SLC25A48: variants seen among roughly 807,000 people sequenced by gnomAD.
The protein encoded by SLC25A48 is CTC-321K16.1.
A neutral mutation model predicts 32.2 loss-of-function variants in SLC25A48; 29 were observed. That is an observed-to-expected ratio of 0.90 (90% CI 0.67 to 1.23). The LOEUF (loss-of-function observed/expected upper bound fraction) is 1.23, where lower values mean the gene tolerates loss of function less well. Ranked by LOEUF, SLC25A48 falls within the 50% of genes most tolerant of loss-of-function variation. The pLI is 0.00. For synonymous variants in SLC25A48, 164 were observed against 172.3 expected (o/e 0.95, Z 0.38); for missense variants, 399 against 422.7 (o/e 0.94, Z 0.49).
chr5:135,605,673 C>T (rs1178294746), intron 1 of SLC25A48, among the ~76,000 whole-genome samples: 1 of 152,210 alleles, frequency 6.6e-6, no homozygotes, highest in East Asian at 1.9e-4. Flanking sequence ...AAACACATAT[C>T]TTTGGAAGTG....
intron 3 of SLC25A48, among the ~76,000 whole-genome samples, chr5:135,726,320 C>G (rs959360672): frequency 1.3e-5 from 2 of 152,184 alleles, no homozygotes; most frequent in African/African-American, 4.8e-5. Context: ...ACCCTTTACC[C>G]AGTTTCTTCC....
chr5:135,807,740 T>G (rs1692887577), intron 3 of SLC25A48, among the ~76,000 whole-genome samples: 1 of 147,962 alleles, frequency 6.8e-6, no homozygotes, highest in Admixed American at 6.7e-5. Context: ...ACACTAGAGA[T>G]TATAAATATC....
At chr5:135,608,980 A>G (rs1402130367) in intron 1 of SLC25A48, among the ~76,000 whole-genome samples, 1 of 152,128 alleles carries the variant, frequency 6.6e-6, no homozygotes. Flanking sequence ...TTGGGCTCCT[A>G]TTTGGAAACA....
At chr5:135,828,313 T>C (rs537919314) in intron 4 of SLC25A48, among the ~76,000 whole-genome samples, 1 of 152,312 alleles carries the variant, frequency 6.6e-6, no homozygotes, top group African/African-American at 2.4e-5. Flanking sequence ...GATGGAGAGA[T>C]TTGACTTGCT....
intron 1 of SLC25A48, among the ~76,000 whole-genome samples, chr5:135,621,707 G>T (rs994889103): frequency 2.0e-5 from 3 of 151,974 alleles, no homozygotes; most frequent in East Asian, 1.9e-4. Context: ...AAAAAAATTA[G>T]GTTCTTTCAC....
chr5:135,608,515 A>G (rs916616352), intron 1 of SLC25A48, among the ~76,000 whole-genome samples: 21 of 152,238 alleles, frequency 1.4e-4, no homozygotes, highest in African/African-American at 3.1e-4. Flanking sequence ...AGGTGGTCCC[A>G]GAAAGCTGGG....
intron 3 of SLC25A48, among the ~76,000 whole-genome samples, chr5:135,810,569 A>C (rs868082867): frequency 6.6e-6 from 1 of 152,214 alleles, no homozygotes; most frequent in African/African-American, 2.4e-5. Flanking sequence ...TATCTATTAC[A>C]TGCAGCCAAA....
At chr5:135,729,580 C>G (rs961225487) in intron 3 of SLC25A48, among the ~76,000 whole-genome samples, 13 of 152,142 alleles carry the variant, frequency 8.5e-5, no homozygotes, top group African/African-American at 3.1e-4. Context: ...AATTTTATTT[C>G]TTGGAAGGAG....
intron 3 of SLC25A48, among the ~76,000 whole-genome samples, chr5:135,737,812 C>G (rs1755410266): frequency 6.6e-6 from 1 of 152,160 alleles, no homozygotes. Flanking sequence ...AGTTTCTTGC[C>G]TTCCTCTTCA....
chr5:135,662,143 A>G (rs1021662160), intron 3 of SLC25A48, among the ~76,000 whole-genome samples: 1 of 152,170 alleles, frequency 6.6e-6, no homozygotes, highest in African/African-American at 2.4e-5. Context: ...CTAGGGAAAG[A>G]TAACATCTTG....
At chr5:135,663,154 G>A (rs1753444474) in intron 3 of SLC25A48, among the ~76,000 whole-genome samples, 1 of 152,140 alleles carries the variant, frequency 6.6e-6, no homozygotes, top group African/African-American at 2.4e-5. Context: ...TAAAATTCAG[G>A]TTCTTTGGAT....
chr5:135,676,222 T>A (rs569502294), intron 3 of SLC25A48, among the ~76,000 whole-genome samples: 29 of 152,036 alleles, frequency 1.9e-4, no homozygotes, highest in African/African-American at 6.7e-4. Flanking sequence ...GTATGTTGTA[T>A]GTGTCCAGAC....
chr5:135,806,030 CTGTCA>C (rs1757455775), intron 3 of SLC25A48, among the ~76,000 whole-genome samples: 1 of 151,622 alleles, frequency 6.6e-6, no homozygotes, highest in Admixed American at 6.6e-5. Flanking sequence ...TGTGTACACT[CTGTCA>C]TGTCATTTGT....
chr5:135,586,700 G>A (rs1362072981), intron 1 of SLC25A48, among the ~76,000 whole-genome samples: 1 of 152,210 alleles, frequency 6.6e-6, no homozygotes. Flanking sequence ...TATGGGATGG[G>A]GAAGGTCAAG....
intron 1 of SLC25A48, among the ~76,000 whole-genome samples, chr5:135,835,575 A>G (rs1345135667): frequency 1.3e-5 from 2 of 148,216 alleles, no homozygotes; most frequent in Admixed American, 6.8e-5. Context: ...CCTGGGCGAG[A>G]GTTGCATTCA....
intron 3 of SLC25A48, among the ~76,000 whole-genome samples, chr5:135,715,799 G>A (rs1163648281): frequency 6.6e-6 from 1 of 152,224 alleles, no homozygotes. Context: ...TAATTAGGCA[G>A]CAGTGCCTCA....
In SLC25A48 at chr5:135,580,900, T is replaced by C. The variant is rs528811034; in HGVS notation, c.-849+1303T>C. 9.8e-5 allele frequency among the ~76,000 whole-genome samples: 15 copies of C among 152,308 alleles called. No individual in the cohort carries two copies. The South Asian group carries it at 2.9e-3, about 29-fold the overall frequency. The stretch of plus-strand genomic sequence containing the variant: ...TTAGCATATTGTGAACATCGCTCCA[T>C]GTGGCTAGCCTTGCTACAACAATAG... On this transcript the variant is annotated intron_variant, in intron 1 of 10. Coordinates refer to the SLC25A48 transcript ENST00000646290.
chr5:135,652,198 C>A (rs1753132314), intron 3 of SLC25A48, among the ~76,000 whole-genome samples: 1 of 152,194 alleles, frequency 6.6e-6, no homozygotes, highest in Admixed American at 6.5e-5. Flanking sequence ...CTATCTACAG[C>A]AGAGACTAAA....
rs1443350658 is a variant in SLC25A48 at position 135,871,724 on chromosome 5, G to GGCA, written c.679+15_679+17dup. 2 of 1,612,440 alleles carry GGCA rather than the reference G, an allele frequency of 1.2e-6. No homozygotes were observed. The highest frequency in any genetic ancestry group is 1.7e-6 in the Non-Finnish European group (2 of 1,179,266). ...GCTGGCGGGCGGCATGGCAGGTAAG[G>GGCA]GCAGCAGCAGCTGGAGCCGCACCCC... On this transcript the variant is annotated splice_region_variant and intron_variant, in intron 5 of 7. Transcript: ENST00000681962.
Sources: allele counts gnomAD v4.1 joint callset (sites outside exome capture counted in the v4.1 genomes callset), GRCh38; gene constraint gnomAD v4.1.1; transcripts MANE v1.5; gene names NCBI Gene and HGNC (gene_info 2026-07-23, HGNC 2026-07-21).